The following NARS1 variants were observed in gnomAD, a reference collection of about 807,000 sequenced individuals.
NARS1 encodes asparagine--tRNA ligase, cytoplasmic.
In NARS1, 65 loss-of-function variants were observed where a neutral mutation model predicts 79.2. The ratio of observed to expected loss-of-function variants is 0.82; its 90% CI spans 0.67 to 1.01. The LOEUF is 1.01. NARS1 is among the 50% of genes least tolerant of loss of function. The pLI, the probability that NARS1 is intolerant of heterozygous loss-of-function variation, is 0.00. For synonymous variants in NARS1, 229 were observed against 238.8 expected (o/e 0.96, Z 0.38); for missense variants, 649 against 673.8 (o/e 0.96, Z 0.41).
chr18:57,615,825 T>C lies in NARS1; in HGVS notation c.244A>G (p.Lys82Glu), dbSNP rs773790242. ...REQMKSESRE[K>E]KEAEDSLRRE... ...GCAAGGTCAGGACTCACCTCTTTCT[T>C]TTCCCGGGATTCACTCTTCATTTGT... is the stretch of plus-strand genomic sequence containing the variant. Residue 82 changes from lysine to glutamate, a missense_variant, in exon 3 of 14, where the codon AAG (lysine) becomes GAG (glutamate). Lys to Glu is a moderately conservative substitution (Grantham distance 56). Coordinates refer to ENST00000256854, the MANE Select transcript of NARS1 (RefSeq NM_004539.4). 10 of 1,611,816 alleles carry C rather than the reference T, an allele frequency of 6.2e-6. No homozygotes were observed. Among genetic ancestry groups the C allele is most frequent in the Non-Finnish European group, 8.5e-6 (10 of 1,179,388 alleles).
chr18:57,607,352 G>A lies in NARS1; in HGVS notation c.802-19C>T. On this transcript the variant is annotated intron_variant, in intron 8 of 13. Transcript: ENST00000256854. ...GAGTAACCTGTTCAAATGCAAAGAA[G>A]GAATAAATCAATGCTATCGTGAGCA... 6.2e-7 allele frequency: 1 copy of A among 1,612,516 alleles called. No homozygotes were observed. Among genetic ancestry groups the A allele is most frequent in the Non-Finnish European group, 8.5e-7 (1 of 1,178,658 alleles).
rs756551855 is a variant in NARS1 at position 57,607,180 on chromosome 18, G to A, written c.955C>T (p.Gln319Ter). 1 of 1,613,916 alleles carries A rather than the reference G, an allele frequency of 6.2e-7. No homozygotes were observed. The highest frequency in any genetic ancestry group is 1.3e-5 in the African/African-American group (1 of 74,890). Residue 319 changes from glutamine to a stop codon, truncating the protein, a stop_gained, in exon 9 of 14, where the codon CAG (glutamine) becomes TAG (stop). Coordinates refer to ENST00000256854, the MANE Select transcript of NARS1 (RefSeq NM_004539.4). LOFTEE classifies it high-confidence loss of function. Reference sequence around the variant, plus strand: ...CTGGACTGCTCTGCCCGGTATGACTGAGCAATACAAAAAACATCTCCCAGG... The same window carrying A: ...CTGGACTGCTCTGCCCGGTATGACTAAGCAATACAAAAAACATCTCCCAGG... ...PALGDVFCIA[Q>*]SYRAEQSRTR...
intron 11 of NARS1, among the ~76,000 whole-genome samples, 155 bp from the exon 12 acceptor site, chr18:57,603,098 A>G (rs2051524089): frequency 6.6e-6 from 1 of 152,188 alleles, no homozygotes; most frequent in South Asian, 2.1e-4. Flanking sequence ...GTAAAGAATA[A>G]TTTCTTTCAA....
intron 2 of NARS1, among the ~76,000 whole-genome samples, chr18:57,616,827 C>G (rs1908048108): frequency 6.6e-6 from 1 of 151,588 alleles, no homozygotes; most frequent in Non-Finnish European, 1.5e-5. Flanking sequence ...ACAGTGAAAC[C>G]CTGTCTCTAC....
intron 4 of NARS1, 33 bp from the exon 5 acceptor site, chr18:57,613,713 T>G (rs1378394733): frequency 6.4e-7 from 1 of 1,556,756 alleles, no homozygotes; most frequent in East Asian, 2.2e-5. Flanking sequence ...ATTTGTTCAA[T>G]AATGTCATTT....
At chr18:57,603,854 C>T (rs1403996484) in intron 11 of NARS1, among the ~76,000 whole-genome samples, 1 of 106,330 alleles carries the variant, frequency 9.4e-6, no homozygotes, top group African/African-American at 3.2e-5. Flanking sequence ...CGGGGTTCTG[C>T]ATAAGATTTA....
At chr18:57,601,884 G>A in intron 13 of NARS1, 101 bp from the exon 14 acceptor site, 4 of 1,297,146 alleles carry the variant, frequency 3.1e-6, no homozygotes, top group Non-Finnish European at 4.4e-6. Flanking sequence ...TTAGCTCACT[G>A]TGGTTAAGAA....
Position 57,601,469 on chromosome 18 carries a change from A to T in NARS1, c.*183T>A. ...AAGAAAAAAATGGATATTTTTTCTT[A>T]AGATGACAACCTTAATATCACTTGA... On this transcript the variant is annotated 3_prime_UTR_variant, in exon 14 of 14. Coordinates refer to ENST00000256854, the MANE Select transcript of NARS1 (RefSeq NM_004539.4). The T allele has an allele frequency of 1.9e-6, 1 of 532,310 alleles. No homozygotes were observed. Among genetic ancestry groups the T allele is most frequent in the Non-Finnish European group, 3.0e-6 (1 of 337,260 alleles). The allele number at this position is 532,310 out of a possible 1,614,324, so 33.0% of individuals were successfully genotyped here. A position where few individuals can be genotyped will look rare whatever the true frequency, so the allele number is the denominator to read the frequency against.
chr18:57,619,839 C>A (rs1238441071), intron 2 of NARS1, among the ~76,000 whole-genome samples: 1 of 152,014 alleles, frequency 6.6e-6, no homozygotes, highest in Non-Finnish European at 1.5e-5. Context: ...AGGCACGCAC[C>A]ACCATGCTGG....
In NARS1 at chr18:57,615,704, C is replaced by A; in HGVS notation, c.279G>T (p.Lys93Asn). ...KEAEDSLRRE[K>N]NLEEAKKITI... is the part of the protein sequence containing the mutation. ...TAATCTTCTTTGCTTCTTCCAGGTT[C>A]TTTTCTCTTCGTAAACTATCTTCTG... Residue 93 changes from lysine to asparagine, a missense_variant, in exon 4 of 14, where the codon AAG becomes AAT. Physicochemically the swap from Lys to Asn is moderately conservative, Grantham distance 94 (BLOSUM62 0). Coordinates refer to ENST00000256854, the MANE Select transcript of NARS1 (RefSeq NM_004539.4). The A allele has an allele frequency of 6.2e-7, 1 of 1,613,006 alleles. No homozygotes were observed. The highest frequency in any genetic ancestry group is 8.5e-7 in the Non-Finnish European group (1 of 1,179,672).
Position 57,601,725 on chromosome 18 carries a change from G to A in NARS1, c.1574C>T (p.Thr525Met), listed in dbSNP as rs778705132. ...GYGLGLERFL[T>M]WILNRYHIRD... ...GATGTGATACCTATTCAGAATCCAC[G>A]TTAAGAATCGTTCCAAGCCCAAGCC... is the stretch of plus-strand genomic sequence containing the variant. The change falls in exon 14 of 14, where the codon ACG becomes ATG. Residue 525 changes from threonine to methionine, a missense_variant. Transcript: ENST00000256854. 19 of 1,613,192 alleles carry A rather than the reference G, an allele frequency of 1.2e-5. No individual in the cohort carries two copies. Among genetic ancestry groups the A allele is most frequent in the Middle Eastern group, 1.6e-4 (1 of 6,084 alleles).
At chr18:57,602,971 T>C in intron 11 of NARS1, 28 bp from the exon 12 acceptor site, 1 of 1,613,032 alleles carries the variant, frequency 6.2e-7, no homozygotes, top group Non-Finnish European at 8.5e-7. Flanking sequence ...TTCATTAACA[T>C]TTACAACTTG....
In NARS1 at chr18:57,621,779, C is replaced by G. The variant is rs977891488; in HGVS notation, c.-62G>C. Reference sequence around the variant, plus strand: ...CTGCAACACCGACGCCGTCTTATGACTCCAACGTGCACCGGCGGTTTCCGC... The same window carrying G: ...CTGCAACACCGACGCCGTCTTATGAGTCCAACGTGCACCGGCGGTTTCCGC... On this transcript the variant is annotated 5_prime_UTR_variant, in exon 1 of 14. Coordinates refer to ENST00000256854, the MANE Select transcript of NARS1 (RefSeq NM_004539.4). The G allele has an allele frequency of 7.4e-6, 12 of 1,612,384 alleles. No homozygotes were observed. The highest frequency in any genetic ancestry group is 1.7e-6 in the Non-Finnish European group (2 of 1,179,682).
rs747814344 is a variant in NARS1 at position 57,620,626 on chromosome 18, C to A, written c.36G>T (p.Glu12Asp). The change falls in exon 2 of 14, where the codon GAG becomes GAT. Residue 12 changes from glutamate to aspartate, a missense_variant. Glu to Asp is a conservative substitution (Grantham distance 45, BLOSUM62 2). Transcript: ENST00000256854. Reference protein sequence around the residue: ...VLAELYVSDREGSDATGDGTK... With the variant: ...VLAELYVSDRDGSDATGDGTK... ...TTCCATCTCCCGTGGCATCGCTTCCCTCTCGGTCAGAGACGTACAGCTCTG... is the reference window on the plus strand; with the variant it reads ...TTCCATCTCCCGTGGCATCGCTTCCATCTCGGTCAGAGACGTACAGCTCTG... The A allele has an allele frequency of 1.9e-6, 3 of 1,613,844 alleles. No homozygotes were observed. The highest frequency in any genetic ancestry group is 2.5e-6 in the Non-Finnish European group (3 of 1,179,846).
At chr18:57,605,755 T>C in intron 11 of NARS1, 102 bp downstream of exon 11, 1 of 750,544 alleles carries the variant, frequency 1.3e-6, no homozygotes, top group Non-Finnish European at 2.2e-6. Context: ...ACCATTTATT[T>C]GAGGACAGGC....
intron 5 of NARS1, among the ~76,000 whole-genome samples, chr18:57,612,216 C>A (rs574739254): frequency 1.3e-5 from 2 of 151,450 alleles, no homozygotes; most frequent in Non-Finnish European, 2.9e-5. Flanking sequence ...CCTACATGAT[C>A]CCCAAGATCC....
At chr18:57,616,298 T>TAAC (rs1277755582) in intron 2 of NARS1, among the ~76,000 whole-genome samples, 1 of 151,886 alleles carries the variant, frequency 6.6e-6, no homozygotes, top group Non-Finnish European at 1.5e-5. Context: ...CAGGCACCTG[T>TAAC]AGTCCCAGCT....
chr18:57,621,672 C>G, intron 1 of NARS1, 36 bp downstream of exon 1: 1 of 1,596,876 alleles, frequency 6.3e-7, no homozygotes, highest in Non-Finnish European at 8.6e-7. Flanking sequence ...CTGCCCCAGG[C>G]AGGGAACACC....
chr18:57,617,544 C>G (rs1599040445), intron 2 of NARS1, among the ~76,000 whole-genome samples: 2 of 137,278 alleles, frequency 1.5e-5, no homozygotes, highest in East Asian at 4.3e-4. Flanking sequence ...TGCACTCCAG[C>G]CTGGGTGACA....
Sources: gnomAD v4.1 joint callset for allele counts (sites outside exome capture counted in the v4.1 genomes callset) on GRCh38, gnomAD v4.1.1 for gene constraint, MANE v1.5 for transcripts, NCBI Gene and HGNC (gene_info 2026-07-23, HGNC 2026-07-21) for gene names.